Variants in DHX30 observed in about 807,000 individuals in gnomAD.
DHX30 encodes DExH-box helicase 30, also known as ATP-dependent RNA helicase DHX30.
Under a neutral mutation model 116.9 loss-of-function variants are expected in DHX30, and 4 were observed. The ratio of observed to expected loss-of-function variants is 0.03; its 90% CI spans 0.02 to 0.08. The LOEUF (loss-of-function observed/expected upper bound fraction) is 0.08, where lower values mean the gene tolerates loss of function less well. DHX30 is among the 10% of genes least tolerant of loss of function. The pLI, the probability that DHX30 is intolerant of heterozygous loss-of-function variation, is 1.00. For synonymous variants in DHX30, 697 were observed against 651.7 expected (o/e 1.07, Z -1.06); for missense variants, 871 against 1,595.1 (o/e 0.55, Z 7.73).
intron 4 of DHX30, among the ~76,000 whole-genome samples, chr3:47,824,134 C>T (rs1162916425): frequency 6.6e-6 from 1 of 151,502 alleles, no homozygotes; most frequent in African/African-American, 2.4e-5. Context: ...TCCCGAGTAG[C>T]TGGGATTACA....
Position 47,848,071 on chromosome 3 carries a change from T to C in DHX30, c.2287-109T>C. On this transcript the variant is annotated intron_variant, in intron 14 of 21. Transcript: ENST00000445061. This position sits in a 1 kb window ranked among gnomAD's most constrained non-coding sequence, Gnocchi z 9.4. ...TTGTGTGTCTTCAGAAGGCCGCGCT[T>C]GTGGGGTCTCAGTGTTCCTGATGTA... is the stretch of plus-strand genomic sequence containing the variant. 1 of 1,579,014 alleles carries C rather than the reference T, an allele frequency of 6.3e-7. No homozygotes were observed. The highest frequency in any genetic ancestry group is 8.7e-7 in the Non-Finnish European group (1 of 1,154,764).
Position 47,849,905 on chromosome 3 carries a change from G to A in DHX30, c.3370G>A (p.Asp1124Asn). ...GGCCACCATCTCACTGAGCGACAGTGACCTGCTGCGGCTGGAGGGTGACTC... is the reference window on the plus strand; with the variant it reads ...GGCCACCATCTCACTGAGCGACAGTAACCTGCTGCGGCTGGAGGGTGACTC... ...RRATISLSDSDLLRLEGDSRT... is the reference protein window; with the variant it reads ...RRATISLSDSNLLRLEGDSRT... Residue 1124 changes from aspartate (D) to asparagine (N), a missense_variant, in exon 22 of 22, where the codon GAC (aspartate) becomes AAC (asparagine). Physicochemically the swap from Asp to Asn is conservative, Grantham distance 23. This residue lies in a region of DHX30 where 238 missense variants were observed against 481.0 expected (regional missense o/e 0.49). Transcript: ENST00000445061. 1 of 1,613,546 alleles carries A rather than the reference G, an allele frequency of 6.2e-7. No individual in the cohort carries two copies. The highest frequency in any genetic ancestry group is 8.5e-7 in the Non-Finnish European group (1 of 1,179,806).
chr3:47,847,719 C>T lies in DHX30; in HGVS notation c.2111-62C>T. 6.4e-7 allele frequency: 1 copy of T among 1,569,020 alleles called. No homozygotes were observed. The highest frequency in any genetic ancestry group is 8.7e-7 in the Non-Finnish European group (1 of 1,152,734). The stretch of plus-strand genomic sequence containing the variant: ...GGGGTCAAAATCCTTGCCCTGCCCA[C>T]ATTCCAGGGGGGAATTCTGGTGGAA... On this transcript the variant is annotated intron_variant, in intron 13 of 21. Coordinates refer to ENST00000445061, the MANE Select transcript of DHX30 (RefSeq NM_138615.3). This position sits in a 1 kb window ranked among gnomAD's most constrained non-coding sequence, Gnocchi z 5.5.
chr3:47,820,322 A>T (rs562068697), intron 4 of DHX30, among the ~76,000 whole-genome samples: 63 of 152,232 alleles, frequency 4.1e-4, no homozygotes, highest in African/African-American at 1.5e-3. Flanking sequence ...TCAAAAAAAA[A>T]AAAGAGACCT....
At chr3:47,815,723 C>CAAAAAAAAAAAAAAAAAAAAA (rs11349970) in intron 3 of DHX30, among the ~76,000 whole-genome samples, 3 of 20,758 alleles carry the variant, frequency 1.4e-4, no homozygotes, top group South Asian at 3.0e-3. Context: ...TAAAAAAGAG[C>CAAAAAAAAAAAAAAAAAAAAA]AAAAAAAAAA....
At chr3:47,842,342 C>T (rs991795663) in intron 8 of DHX30, 1 of 152,534 alleles carries the variant, frequency 6.6e-6, no homozygotes, top group Admixed American at 6.5e-5. Flanking sequence ...ATATGAAGTT[C>T]CCAGGAATTT....
intron 9 of DHX30, among the ~76,000 whole-genome samples, chr3:47,844,862 C>T (rs535605009): frequency 6.6e-6 from 1 of 152,244 alleles, no homozygotes; most frequent in East Asian, 1.9e-4. Flanking sequence ...TCGACATTTA[C>T]AGGAAATTCC....
In DHX30 at chr3:47,841,150, G is replaced by T. The variant is rs1285620851; in HGVS notation, c.640G>T (p.Asp214Tyr). Residue 214 changes from aspartate to tyrosine, a missense_variant, in exon 7 of 22, where the codon GAT (aspartate) becomes TAT (tyrosine). Asp to Tyr is a radical substitution (Grantham distance 160). This residue lies in a region of DHX30 where 109 missense variants were observed against 118.8 expected (regional missense o/e 0.92). Coordinates refer to ENST00000445061, the MANE Select transcript of DHX30 (RefSeq NM_138615.3). Reference protein sequence around the residue: ...VTDFLSMTQQDSHAPLRDSRG... With the variant: ...VTDFLSMTQQYSHAPLRDSRG... ...CGACTTCTTGTCCATGACCCAGCAG[G>T]ATTCCCACGCTCCACTCAGGGACTC... 1 of 1,614,070 alleles carries T rather than the reference G, an allele frequency of 6.2e-7. No individual in the cohort carries two copies. The highest frequency in any genetic ancestry group is 1.7e-5 in the Admixed American group (1 of 60,020).
In DHX30 at chr3:47,849,747, C is replaced by T. The variant is rs754405761; in HGVS notation, c.3309C>T (p.Thr1103=). 62 of 1,613,472 alleles carry T rather than the reference C, an allele frequency of 3.8e-5. No individual in the cohort carries two copies. The highest frequency in any genetic ancestry group is 1.8e-4 in the South Asian group (16 of 91,010). Residue 1103 remains threonine (T), a synonymous_variant, in exon 21 of 22, where the codon ACC becomes ACT. Coordinates refer to ENST00000445061, the MANE Select transcript of DHX30 (RefSeq NM_138615.3). ...ACCCGCTAGCTGTGCTGCTGCTGACCGACGGGGACGTGCACATCCGTGGTG... is the reference window on the plus strand; with the variant it reads ...ACCCGCTAGCTGTGCTGCTGCTGACTGACGGGGACGTGCACATCCGTGGTG... ...QVHPLAVLLL[T]DGDVHIRDDG...
chr3:47,814,890 A>T (rs1026866788), intron 3 of DHX30, among the ~76,000 whole-genome samples: 14 of 145,252 alleles, frequency 9.6e-5, no homozygotes, highest in South Asian at 4.4e-4. Context: ...TAAAAAAATA[A>T]TTTTTTTTTT....
chr3:47,848,136 G>A lies in DHX30; in HGVS notation c.2287-44G>A, dbSNP rs1394584727. 3.1e-6 allele frequency: 5 copies of A among 1,609,864 alleles called. No individual in the cohort carries two copies. The African/African-American group carries it at 4.0e-5, about 13-fold the overall frequency. ...GTTACTCAGGGAGTGGGGAAGCACT[G>A]AGGAAGTGGCATTTGTGTGCTGCTT... On this transcript the variant is annotated intron_variant, in intron 14 of 21. Coordinates refer to ENST00000445061, the MANE Select transcript of DHX30 (RefSeq NM_138615.3). This position sits in a 1 kb window ranked among gnomAD's most constrained non-coding sequence, Gnocchi z 9.4.
chr3:47,814,429 C>CAAAAAAAAAAA (rs71625837), intron 3 of DHX30, among the ~76,000 whole-genome samples: 7 of 92,624 alleles, frequency 7.6e-5, no homozygotes, highest in East Asian at 3.1e-4. Context: ...TGTCTCAAAA[C>CAAAAAAAAAAA]AAAAAAAAAA....
rs1287251382 is a variant in DHX30, at chr3:47,843,149, C to G, written c.833C>G (p.Ser278Cys). ...ACTGTGGGCACCAAGACCAAGCTGT[C>G]TACACTCACCCTGCTCTGGCCCTGC... Reference protein sequence around the residue: ...FHTVGTKTKLSTLTLLWPCPM... With the variant: ...FHTVGTKTKLCTLTLLWPCPM... The change falls in exon 9 of 22, where the codon TCT becomes TGT. Residue 278 changes from serine to cysteine, a missense_variant. Around this residue, in one of 13 missense-constraint regions of DHX30, gnomAD observed 175 missense variants for 292.9 expected, o/e 0.60. Transcript: ENST00000445061. 1 of 1,614,156 alleles carries G rather than the reference C, an allele frequency of 6.2e-7. No individual in the cohort carries two copies. Among genetic ancestry groups the G allele is most frequent in the Non-Finnish European group, 8.5e-7 (1 of 1,180,054 alleles).
rs147208474 is a variant in DHX30 at position 47,804,660 on chromosome 3, A to G, written c.-122-666A>G. On this transcript the variant is annotated intron_variant, in intron 1 of 21. Coordinates refer to ENST00000445061, the MANE Select transcript of DHX30 (RefSeq NM_138615.3). ...ACAGTATAATATGTCTCAAGGAATG[A>G]ACCGTAGTACATTTAGGCAACAGCA... Among the ~76,000 whole-genome samples the G allele has an allele frequency of 2.6e-5, 4 of 152,342 alleles. No individual in the cohort carries two copies. The East Asian group carries it at 7.7e-4, about 29-fold the overall frequency.
chr3:47,846,920 C>T lies in DHX30; in HGVS notation c.1848C>T (p.Tyr616=). 1 of 1,613,556 alleles carries T rather than the reference C, an allele frequency of 6.2e-7. No homozygotes were observed. Among genetic ancestry groups the T allele is most frequent in the Admixed American group, 1.7e-5 (1 of 60,024 alleles). The change falls in exon 11 of 22, where the codon TAC becomes TAT. Residue 616 remains tyrosine, a synonymous_variant. Transcript: ENST00000445061. ...CPVIKVPGFM[Y]PVKEHYLEDI... ...TCATCAAGGTGCCTGGCTTCATGTA[C>T]CCAGTCAAGGAGCACTACCTAGAGG...
At chr3:47,816,189 ATAT>A in intron 3 of DHX30, 1 of 978,502 alleles carries the variant, frequency 1.0e-6, no homozygotes, top group Non-Finnish European at 1.2e-6. Context: ...CACATCTATA[ATAT>A]TATAAGAGAG....
chr3:47,847,446 T>C lies in DHX30; in HGVS notation c.2020T>C (p.Phe674Leu). Residue 674 changes from phenylalanine (F) to leucine (L), a missense_variant, in exon 13 of 22, where the codon TTC (phenylalanine) becomes CTC (leucine). Physicochemically the swap from Phe to Leu is conservative, Grantham distance 22 (BLOSUM62 0). This residue lies in a region of DHX30 where 2 missense variants were observed against 17.0 expected (regional missense o/e 0.12). Coordinates refer to ENST00000445061, the MANE Select transcript of DHX30 (RefSeq NM_138615.3). The surrounding 1 kb of genome is among the most constrained non-coding windows in gnomAD (Gnocchi z 5.5). ...CTCCTTTACAGGTGGGATCCTGTGC[T>C]TCCTGCCTGGGTGGCAGGAGATCAA... Reference protein sequence around the residue: ...ARGEPGGILCFLPGWQEIKGV... With the variant: ...ARGEPGGILCLLPGWQEIKGV... 1 of 1,612,892 alleles carries C rather than the reference T, an allele frequency of 6.2e-7. No individual in the cohort carries two copies. The highest frequency in any genetic ancestry group is 8.5e-7 in the Non-Finnish European group (1 of 1,179,028).
At chr3:47,803,512 A>G (rs2035384592) in intron 1 of DHX30, among the ~76,000 whole-genome samples, 1 of 150,628 alleles carries the variant, frequency 6.6e-6, no homozygotes, top group Admixed American at 6.6e-5. Context: ...AGGCCGTGGG[A>G]GAGGCCGCTT....
intron 6 of DHX30, among the ~76,000 whole-genome samples, chr3:47,836,600 C>G (rs182859749): frequency 6.6e-6 from 1 of 150,926 alleles, no homozygotes; most frequent in East Asian, 2.0e-4. Flanking sequence ...CTCACTGCAA[C>G]GTTCACGTCC....
Sources: allele counts gnomAD v4.1 joint callset (sites outside exome capture counted in the v4.1 genomes callset), GRCh38; gene constraint gnomAD v4.1.1; regional missense constraint gnomAD v4.1.1; non-coding constraint Gnocchi (gnomAD v3.1); transcripts MANE v1.5; gene names NCBI Gene and HGNC (gene_info 2026-07-23, HGNC 2026-07-21).